The following INSIG2 variants were observed in gnomAD, a reference collection of about 807,000 sequenced individuals.
The protein encoded by INSIG2 is insulin induced gene 2.
Under a neutral mutation model 27.2 loss-of-function variants are expected in INSIG2, and 10 were observed. The ratio of observed to expected loss-of-function variants is 0.37; its 90% CI spans 0.23 to 0.62. The LOEUF (loss-of-function observed/expected upper bound fraction) is 0.62, where lower values mean the gene tolerates loss of function less well. Among genes scored for constraint, INSIG2 ranks in the 20% least tolerant of loss-of-function variants. The probability of loss-of-function intolerance (pLI) is 0.65; values close to 1 mark genes in which losing one functional copy is unlikely to be tolerated. For missense variants in INSIG2, 178 were observed against 270.2 expected (o/e 0.66, Z 2.39); for synonymous variants, 97 against 95.8 (o/e 1.01, Z -0.07).
intron 1 of INSIG2, among the ~76,000 whole-genome samples, chr2:118,095,691 C>T (rs1278777057): frequency 1.3e-5 from 2 of 152,170 alleles, no homozygotes. Flanking sequence ...TCTTCATTTT[C>T]TTCACTTCCT....
At chr2:118,103,393 T>C (rs1202832317) in intron 3 of INSIG2, 72 bp downstream of exon 3, 76 of 1,355,994 alleles carry the variant, frequency 5.6e-5, no homozygotes, top group Non-Finnish European at 7.5e-5. Flanking sequence ...AAACAGCCCC[T>C]TACAACTTCA....
At chr2:118,105,378 G>A (rs141332518) in intron 3 of INSIG2, among the ~76,000 whole-genome samples, 5 of 152,208 alleles carry the variant, frequency 3.3e-5, no homozygotes, top group Middle Eastern at 3.4e-3. Context: ...ATCTATTTAC[G>A]CTGGAAGCCT....
In INSIG2 at chr2:118,096,851, G is replaced by A. The variant is rs778828839; in HGVS notation, c.244+51G>A. On this transcript the variant is annotated intron_variant, in intron 2 of 5. Transcript: ENST00000245787. ...CTTAGAAAGGAAATAGGGTAAATGAGTATGGACGTTGTCTGAGCAATAAAC... is the reference window on the plus strand; with the variant it reads ...CTTAGAAAGGAAATAGGGTAAATGAATATGGACGTTGTCTGAGCAATAAAC... 2.5e-5 allele frequency: 40 copies of A among 1,571,074 alleles called. No individual in the cohort carries two copies. The Admixed American group carries it at 6.8e-4, about 27-fold the overall frequency.
chr2:118,107,227 C>G (rs759441621), intron 5 of INSIG2, 38 bp downstream of exon 5: 1 of 1,415,024 alleles, frequency 7.1e-7, no homozygotes, highest in South Asian at 1.2e-5. Context: ...AGATGTGGAA[C>G]AAATGACAAG....
intron 2 of INSIG2, 133 bp downstream of exon 2, chr2:118,096,933 C>T: frequency 4.0e-6 from 4 of 1,000,760 alleles, no homozygotes; most frequent in Non-Finnish European, 4.2e-6. Context: ...ATACACTGGA[C>T]CCGTTTGAAT....
chr2:118,107,767 GA>G (rs773787789), intron 5 of INSIG2, among the ~76,000 whole-genome samples: 2 of 152,088 alleles, frequency 1.3e-5, no homozygotes, highest in Non-Finnish European at 2.9e-5. Flanking sequence ...CCTTTATTTT[GA>G]ATTGTGGGTG....
intron 1 of INSIG2, among the ~76,000 whole-genome samples, chr2:118,092,760 AG>A (rs1429252328): frequency 6.6e-6 from 1 of 152,126 alleles, no homozygotes; most frequent in Non-Finnish European, 1.5e-5. Context: ...TATGTCTGGC[AG>A]GGAGTAGGCC....
At position 118,109,517 on chromosome 2, in the gene INSIG2, T is replaced by C. The variant is rs938377554; in HGVS notation, c.*1195T>C. 3 of 152,486 alleles carry C rather than the reference T, an allele frequency of 2.0e-5. No individual in the cohort carries two copies. Among genetic ancestry groups the C allele is most frequent in the Non-Finnish European group, 4.4e-5 (3 of 68,040 alleles). The allele number at this position is 152,486 out of a possible 1,614,324, so 9.4% of individuals were successfully genotyped here. On this transcript the variant is annotated 3_prime_UTR_variant, in exon 6 of 6. Coordinates refer to ENST00000245787, the MANE Select transcript of INSIG2 (RefSeq NM_016133.4). ...AGTATGGTTTAAACATATTCTTAGC[T>C]AATTTTTTCCATTAGTTTTTGAAAT...
intron 4 of INSIG2, 93 bp downstream of exon 4, chr2:118,106,996 A>G: frequency 6.6e-7 from 1 of 1,505,952 alleles, no homozygotes; most frequent in African/African-American, 1.4e-5. Context: ...GAGGTTAGCC[A>G]GTTTAATCTA....
chr2:118,094,010 AGAT>A (rs372312794), intron 1 of INSIG2, among the ~76,000 whole-genome samples: 2,458 of 11,586 alleles, frequency 0.21, 367 homozygotes, highest in Middle Eastern at 0.4. Flanking sequence ...AAAAGCAACC[AGAT>A]GATGATGATG....
intron 1 of INSIG2, among the ~76,000 whole-genome samples, chr2:118,091,266 T>C (rs868332597): frequency 1.3e-5 from 2 of 152,204 alleles, no homozygotes; most frequent in East Asian, 1.9e-4. Context: ...AGGAATTTCA[T>C]TGTTGCATGG....
chr2:118,101,223 T>C (rs1489892792), intron 2 of INSIG2, among the ~76,000 whole-genome samples: 1 of 152,164 alleles, frequency 6.6e-6, no homozygotes, highest in Non-Finnish European at 1.5e-5. Context: ...AAAGAAGACA[T>C]TTAATGGGAA....
chr2:118,090,421 AC>A (rs1454944753), intron 1 of INSIG2, among the ~76,000 whole-genome samples: 1 of 152,148 alleles, frequency 6.6e-6, no homozygotes, highest in Admixed American at 6.5e-5. Flanking sequence ...GCCAACATGA[AC>A]CTTGATTTTT....
intron 3 of INSIG2, among the ~76,000 whole-genome samples, chr2:118,104,640 G>T (rs1678629216): frequency 6.6e-6 from 1 of 152,160 alleles, no homozygotes; most frequent in Admixed American, 6.5e-5. Flanking sequence ...AAGCTAAAGA[G>T]GTTAGGTAAT....
intron 1 of INSIG2, among the ~76,000 whole-genome samples, chr2:118,095,739 T>C (rs1678390753): frequency 6.6e-6 from 1 of 152,170 alleles, no homozygotes; most frequent in South Asian, 2.1e-4. Context: ...TACAATCCCT[T>C]CTGTGATTGC....
rs1233029760 is a variant in INSIG2, at chr2:118,093,751, T to G, written c.-138-2668T>G. On this transcript the variant is annotated intron_variant, in intron 1 of 5. Transcript: ENST00000245787. Reference sequence around the variant, plus strand: ...AGATGATGATGATGATGAAGGAGAGTTCTGTAGCTACTGAACCTTGCCAAA... The same window carrying G: ...AGATGATGATGATGATGAAGGAGAGGTCTGTAGCTACTGAACCTTGCCAAA... Among the ~76,000 whole-genome samples the G allele has an allele frequency of 3.8e-4, 43 of 112,278 alleles. 1 individual carries two copies. The highest frequency in any genetic ancestry group is 9.0e-4 in the South Asian group (3 of 3,330). The allele number at this position is 112,278 out of a possible 152,430, so 73.7% of individuals were successfully genotyped here.
chr2:118,108,334 A>G lies in INSIG2; in HGVS notation c.*12A>G, dbSNP rs771994823. ...CTCATCAGGAATGAAGAAGGCAAAA[A>G]ATATCTTTTGTACAGAAAAGCAAGA... On this transcript the variant is annotated 3_prime_UTR_variant, in exon 6 of 6. Transcript: ENST00000245787. 6.3e-7 allele frequency: 1 copy of G among 1,589,432 alleles called. No homozygotes were observed. Among genetic ancestry groups the G allele is most frequent in the Non-Finnish European group, 8.6e-7 (1 of 1,163,174 alleles).
intron 3 of INSIG2, among the ~76,000 whole-genome samples, chr2:118,105,833 G>A (rs997484489): frequency 2.6e-5 from 4 of 152,166 alleles, no homozygotes; most frequent in Non-Finnish European, 4.4e-5. Context: ...GCCTTCCCCA[G>A]TAGCTGGTTA....
At position 118,088,503 on chromosome 2, in the gene INSIG2, G is replaced by A. The variant is rs1249493860; in HGVS notation, c.-177G>A. The A allele has an allele frequency of 6.5e-6, 1 of 152,810 alleles. No individual in the cohort carries two copies. Among genetic ancestry groups the A allele is most frequent in the Non-Finnish European group, 1.5e-5 (1 of 68,514 alleles). The allele number at this position is 152,810 out of a possible 1,614,324, so 9.5% of individuals were successfully genotyped here. The stretch of plus-strand genomic sequence containing the variant: ...GAGTGGAGGAGGAAGAGGCGGTAGG[G>A]GGTACGGGGGCTGGTCCCAGAAGAT... On this transcript the variant is annotated 5_prime_UTR_variant, in exon 1 of 6. Coordinates refer to ENST00000245787, the MANE Select transcript of INSIG2 (RefSeq NM_016133.4).
Sources: gnomAD v4.1 joint callset for allele counts (sites outside exome capture counted in the v4.1 genomes callset) on GRCh38, gnomAD v4.1.1 for gene constraint, MANE v1.5 for transcripts, NCBI Gene and HGNC (gene_info 2026-07-23, HGNC 2026-07-21) for gene names.